FGD4: variants seen among roughly 807,000 people sequenced by gnomAD.
FGD4 encodes FYVE, RhoGEF and PH domain containing 4.
A neutral mutation model predicts 102.0 loss-of-function variants in FGD4; 42 were observed. That is an observed-to-expected ratio of 0.41 (90% CI 0.32 to 0.53). The LOEUF (loss-of-function observed/expected upper bound fraction) is 0.53, where lower values mean the gene tolerates loss of function less well. Among genes scored for constraint, FGD4 ranks in the 20% least tolerant of loss-of-function variants. FGD4 has a pLI of 0.21. For synonymous variants in FGD4, 380 were observed against 375.7 expected (o/e 1.01, Z -0.13); for missense variants, 902 against 1,078.2 (o/e 0.84, Z 2.29).
At chr12:32,403,691 G>A (rs1940790412) in intron 1 of FGD4, among the ~76,000 whole-genome samples, 2 of 145,126 alleles carry the variant, frequency 1.4e-5, no homozygotes, top group Admixed American at 1.4e-4. Context: ...CCGCCATCTG[G>A]GCTGAAGTGA....
At chr12:32,572,067 C>CGT (rs1945713239) in intron 2 of FGD4, among the ~76,000 whole-genome samples, 1 of 150,086 alleles carries the variant, frequency 6.7e-6, no homozygotes, top group African/African-American at 2.5e-5. Context: ...CATCTGTGTG[C>CGT]GTGCGTGTGT....
chr12:32,607,580 G>A (rs1293589411), intron 7 of FGD4, among the ~76,000 whole-genome samples: 1 of 152,210 alleles, frequency 6.6e-6, no homozygotes, highest in Non-Finnish European at 1.5e-5. Context: ...CACGATCTTG[G>A]CTCACTGAAA....
intron 1 of FGD4, chr12:32,501,948 C>A: frequency 1.3e-6 from 1 of 773,054 alleles, no homozygotes; most frequent in South Asian, 5.9e-5. Context: ...TTTAGTTGGG[C>A]TGCACTGGCT....
rs185053383 is a variant in FGD4, at chr12:32,569,509, T to C, written c.319+5220T>C. On this transcript the variant is annotated intron_variant, in intron 2 of 16. Transcript: ENST00000534526. ...GCTGGAAAGCCCTTCCCCAAACAGT[T>C]CCTTCCACTTCAAGGCTTACTCAAA... 1.8e-3 allele frequency among the ~76,000 whole-genome samples: 274 copies of C among 152,224 alleles called. 1 individual carries two copies. The highest frequency in any genetic ancestry group is 5.8e-3 in the African/African-American group (240 of 41,540).
chr12:32,549,824 C>A (rs564197245), intron 1 of FGD4, among the ~76,000 whole-genome samples: 14 of 152,336 alleles, frequency 9.2e-5, no homozygotes, highest in African/African-American at 3.1e-4. Context: ...AAGTGAAAGG[C>A]ACTGTTTCCC....
intron 5 of FGD4, chr12:32,600,392 TTC>T (rs1948301758): frequency 1.6e-6 from 2 of 1,223,670 alleles, no homozygotes; most frequent in Non-Finnish European, 2.2e-6. Flanking sequence ...TAATTTTTTG[TTC>T]TTTTTGCCTC....
intron 9 of FGD4, 51 bp downstream of exon 9, chr12:32,610,885 A>C: frequency 6.4e-7 from 1 of 1,553,976 alleles, no homozygotes; most frequent in Non-Finnish European, 8.9e-7. Flanking sequence ...AATTATCAAT[A>C]ATACTGCCTC....
intron 1 of FGD4, among the ~76,000 whole-genome samples, chr12:32,501,320 TATAGTTTACCTCTA>T (rs1938200992): frequency 6.6e-6 from 1 of 152,238 alleles, no homozygotes; most frequent in African/African-American, 2.4e-5. Flanking sequence ...TTTCTAGATT[TATAGTTTACCTCTA>T]ATAGTTGGTT....
In FGD4 at chr12:32,576,255, T is replaced by C. The variant is rs763807390; in HGVS notation, c.320-11T>C. Reference sequence around the variant, plus strand: ...ATCAGTGAAATACTATATTCTATTCTTTTTCTACAGTGCCTCCAAAGCCAT... The same window carrying C: ...ATCAGTGAAATACTATATTCTATTCCTTTTCTACAGTGCCTCCAAAGCCAT... On this transcript the variant is annotated splice_polypyrimidine_tract_variant and intron_variant, in intron 2 of 16. Transcript: ENST00000534526. 1.9e-6 allele frequency: 3 copies of C among 1,569,234 alleles called. No homozygotes were observed. In the African/African-American group the frequency reaches 4.1e-5, roughly 21 times the overall value.
intron 10 of FGD4, among the ~76,000 whole-genome samples, chr12:32,611,871 C>T (rs1263444322): frequency 6.6e-6 from 1 of 152,214 alleles, no homozygotes; most frequent in Non-Finnish European, 1.5e-5. Context: ...CCGCAGCTGC[C>T]GACTCAGGCA....
chr12:32,609,247 TC>T (rs2136742575), intron 8 of FGD4, among the ~76,000 whole-genome samples: 1 of 152,320 alleles, frequency 6.6e-6, no homozygotes, highest in Admixed American at 6.5e-5. Context: ...CAGAAACTTC[TC>T]TTCTCCATTG....
At chr12:32,596,792 G>A (rs538905223) in intron 4 of FGD4, among the ~76,000 whole-genome samples, 5 of 151,894 alleles carry the variant, frequency 3.3e-5, no homozygotes, top group African/African-American at 4.8e-5. Flanking sequence ...AAAATTAGCC[G>A]GCCGTCGTGG....
chr12:32,625,900 C>A, intron 14 of FGD4, 121 bp downstream of exon 14: 1 of 1,355,788 alleles, frequency 7.4e-7, no homozygotes, highest in Non-Finnish European at 1.0e-6. Flanking sequence ...TATTTTGGTG[C>A]CAATTACGTG....
At chr12:32,587,580 A>G (rs7315971) in intron 4 of FGD4, among the ~76,000 whole-genome samples, 72,862 of 151,600 alleles carry the variant, frequency 0.48, 19,209 homozygotes, top group African/African-American at 0.71. Flanking sequence ...TTGTAGAGAT[A>G]GGTTTTCACC....
intron 1 of FGD4, among the ~76,000 whole-genome samples, chr12:32,497,071 A>G (rs1011894867): frequency 4.6e-5 from 7 of 152,188 alleles, no homozygotes; most frequent in Non-Finnish European, 8.8e-5. Context: ...GGCTAAAAAT[A>G]TAAGACCTCC....
chr12:32,624,482 C>CTTTTT, intron 12 of FGD4, 30 bp downstream of exon 12: 1 of 1,344,190 alleles, frequency 7.4e-7, no homozygotes, highest in Non-Finnish European at 1.0e-6. Context: ...CCTTTTCTTT[C>CTTTTT]TTTTTTTTTT....
At chr12:32,616,983 TGAGA>T (rs3044442) in intron 10 of FGD4, among the ~76,000 whole-genome samples, 2 of 150,564 alleles carry the variant, frequency 1.3e-5, no homozygotes, top group Non-Finnish European at 3.0e-5. Context: ...CATCACATGG[TGAGA>T]GAGAGAGAGA....
chr12:32,497,070 T>C (rs886784352), intron 1 of FGD4, among the ~76,000 whole-genome samples: 5 of 152,266 alleles, frequency 3.3e-5, no homozygotes, highest in Non-Finnish European at 5.9e-5. Context: ...GGGCTAAAAA[T>C]ATAAGACCTC....
At chr12:32,483,355 G>C (rs1943813213) in intron 1 of FGD4, among the ~76,000 whole-genome samples, 1 of 152,138 alleles carries the variant, frequency 6.6e-6, no homozygotes, top group Non-Finnish European at 1.5e-5. Context: ...TTTTATTTCA[G>C]TGTAATCCCT....
Sources: gnomAD v4.1 joint callset for allele counts (sites outside exome capture counted in the v4.1 genomes callset) on GRCh38, gnomAD v4.1.1 for gene constraint, MANE v1.5 for transcripts, NCBI Gene and HGNC (gene_info 2026-07-23, HGNC 2026-07-21) for gene names.